CLVS1: variants seen among roughly 807,000 people sequenced by gnomAD.
CLVS1 encodes clavesin 1, also known as clavesin-1.
CLVS1 carries 10 observed loss-of-function variants against 33.1 expected under a neutral mutation model. That is an observed-to-expected ratio of 0.30 (90% CI 0.19 to 0.51). The LOEUF is 0.51. Among genes scored for constraint, CLVS1 ranks in the 20% least tolerant of loss-of-function variants. CLVS1 has a pLI of 0.97. For synonymous variants in CLVS1, 163 were observed against 166.1 expected (o/e 0.98, Z 0.14); for missense variants, 343 against 433.4 (o/e 0.79, Z 1.85).
At chr8:61,104,725 C>G (rs1272845511) in intron 1 of CLVS1, among the ~76,000 whole-genome samples, 1 of 152,214 alleles carries the variant, frequency 6.6e-6, no homozygotes, top group African/African-American at 2.4e-5. Flanking sequence ...CTCTGAGGCA[C>G]AAGTTGGCCT....
intron 2 of CLVS1, among the ~76,000 whole-genome samples, chr8:61,236,584 G>C (rs1433156509): frequency 6.6e-6 from 1 of 152,166 alleles, no homozygotes; most frequent in African/African-American, 2.4e-5. Context: ...AGCAGCAGCA[G>C]CACTGTTCCT....
chr8:61,140,071 G>A (rs960183839), intron 2 of CLVS1, among the ~76,000 whole-genome samples: 2 of 152,272 alleles, frequency 1.3e-5, no homozygotes, highest in East Asian at 3.9e-4. Context: ...CCTTCTAGAA[G>A]GGCGCATTCC....
the CLVS1 span, among the ~76,000 whole-genome samples, chr8:60,976,180 T>G: frequency 1.8e-4 from 28 of 152,352 alleles, no homozygotes; most frequent in African/African-American, 6.5e-4. Context: ...AAAGGAATTT[T>G]TAAAGAATAT....
the CLVS1 span, among the ~76,000 whole-genome samples, chr8:60,979,923 C>A: frequency 6.6e-6 from 1 of 152,234 alleles, no homozygotes; most frequent in Non-Finnish European, 1.5e-5. Flanking sequence ...TAATCACTAT[C>A]AGGTCGAAGT....
chr8:61,145,262 AAAC>A (rs2129293853), intron 2 of CLVS1, among the ~76,000 whole-genome samples: 1 of 152,364 alleles, frequency 6.6e-6, no homozygotes, highest in Non-Finnish European at 1.5e-5. Flanking sequence ...TTACAAGAAA[AAAC>A]AAACAATCCC....
At chr8:60,975,466 GCAAA>G in the CLVS1 span, among the ~76,000 whole-genome samples, 1 of 152,242 alleles carries the variant, frequency 6.6e-6, no homozygotes. Flanking sequence ...ACTGGAACTG[GCAAA>G]CAGACACACA....
chr8:61,269,128 T>A (rs925284474), intron 2 of CLVS1, among the ~76,000 whole-genome samples: 5 of 148,742 alleles, frequency 3.4e-5, no homozygotes, highest in African/African-American at 1.2e-4. Context: ...CTAGGTTTTC[T>A]TCTAGGGTTT....
chr8:60,995,852 G>A, the CLVS1 span, among the ~76,000 whole-genome samples: 1 of 151,564 alleles, frequency 6.6e-6, no homozygotes, highest in Non-Finnish European at 1.5e-5. Flanking sequence ...ATGAGTTCAT[G>A]TCCTTTGCAG....
chr8:61,299,883 A>G lies in CLVS1; in HGVS notation c.56A>G (p.Asp19Gly). 6.2e-7 allele frequency: 1 copy of G among 1,613,724 alleles called. No individual in the cohort carries two copies. Among genetic ancestry groups the G allele is most frequent in the Non-Finnish European group, 8.5e-7 (1 of 1,179,830 alleles). The change falls in exon 2 of 6, where the codon GAT (aspartate) becomes GGT (glycine). Residue 19 changes from aspartate to glycine, a missense_variant. Physicochemically the swap from Asp to Gly is moderately conservative, Grantham distance 94 (BLOSUM62 -1). Around this residue, in one of 4 missense-constraint regions of CLVS1, gnomAD observed 88 missense variants for 77.3 expected, o/e 1.14. Transcript: ENST00000325897. ...KYQKLNTWNG[D>G]LAKMTHLQAG... ...CAGAAGTTAAACACTTGGAACGGAG[A>G]TTTGGCCAAGATGACCCATTTACAG...
chr8:61,465,420 A>C lies in CLVS1; in HGVS notation c.977+6878A>C, dbSNP rs1817512758. The C allele has an allele frequency of 2.0e-5, 3 of 152,270 alleles. No individual in the cohort carries two copies. The South Asian group carries it at 6.2e-4, about 32-fold the overall frequency. The allele number at this position is 152,270 out of a possible 1,614,324, so 9.4% of individuals were successfully genotyped here. A position where few individuals can be genotyped will look rare whatever the true frequency, so the allele number is the denominator to read the frequency against. On this transcript the variant is annotated intron_variant, in intron 5 of 5. Transcript: ENST00000325897. ...CCAAGACTCCCGGAACTCTCAGTGAATGACTGGTTCTAATGAGCTCTTGTT... is the reference window on the plus strand; with the variant it reads ...CCAAGACTCCCGGAACTCTCAGTGACTGACTGGTTCTAATGAGCTCTTGTT...
At chr8:61,451,825 A>AGAGC (rs1317412732) in intron 3 of CLVS1, among the ~76,000 whole-genome samples, 2 of 151,806 alleles carry the variant, frequency 1.3e-5, no homozygotes, top group African/African-American at 4.8e-5. Context: ...AGAGAGAGAG[A>AGAGC]GAGAGAGAGA....
the CLVS1 span, among the ~76,000 whole-genome samples, chr8:60,999,145 G>T: frequency 6.6e-6 from 1 of 152,312 alleles, no homozygotes; most frequent in South Asian, 2.1e-4. Context: ...AGCCAGCTCA[G>T]AGCCAAACCA....
At chr8:61,439,499 T>C (rs1585976547) in intron 3 of CLVS1, among the ~76,000 whole-genome samples, 1 of 152,202 alleles carries the variant, frequency 6.6e-6, no homozygotes, top group Non-Finnish European at 1.5e-5. Context: ...CTCCCAGCTC[T>C]AGCAGTGGTT....
At chr8:61,432,663 A>G (rs939772903) in intron 3 of CLVS1, among the ~76,000 whole-genome samples, 2 of 152,226 alleles carry the variant, frequency 1.3e-5, no homozygotes, top group Admixed American at 6.5e-5. Flanking sequence ...GTACTTTCTT[A>G]TGATAATGCC....
intron 1 of CLVS1, among the ~76,000 whole-genome samples, chr8:61,095,582 C>T (rs1476992252): frequency 6.6e-6 from 1 of 152,152 alleles, no homozygotes; most frequent in African/African-American, 2.4e-5. Flanking sequence ...CTGGTTGATC[C>T]TGATCTACTG....
chr8:61,218,791 A>AT (rs1410925744), intron 2 of CLVS1, among the ~76,000 whole-genome samples: 4 of 109,838 alleles, frequency 3.6e-5, no homozygotes, highest in Non-Finnish European at 6.8e-5. Flanking sequence ...AAAAAAAAAA[A>AT]AAAAAAGCTG....
At chr8:61,203,484 A>G (rs1287615860) in intron 2 of CLVS1, among the ~76,000 whole-genome samples, 2 of 152,142 alleles carry the variant, frequency 1.3e-5, no homozygotes, top group Non-Finnish European at 2.9e-5. Flanking sequence ...GTGGTCAGAC[A>G]TGGAAATCGT....
the CLVS1 span, among the ~76,000 whole-genome samples, chr8:60,976,184 A>G: frequency 2.0e-5 from 3 of 152,176 alleles, no homozygotes; most frequent in Admixed American, 1.3e-4. Context: ...GAATTTTTAA[A>G]GAATATCTGT....
intron 3 of CLVS1, among the ~76,000 whole-genome samples, chr8:61,446,656 A>G (rs1043885282): frequency 6.6e-6 from 1 of 152,160 alleles, no homozygotes; most frequent in Admixed American, 6.5e-5. Flanking sequence ...TTCATTCATG[A>G]GAACAGAGCC....
Sources: gnomAD v4.1 joint callset for allele counts (sites outside exome capture counted in the v4.1 genomes callset) on GRCh38, gnomAD v4.1.1 for gene constraint, gnomAD v4.1.1 regional missense constraint, MANE v1.5 for transcripts, NCBI Gene and HGNC (gene_info 2026-07-23, HGNC 2026-07-21) for gene names.